KIF21A: variants seen among roughly 807,000 people sequenced by gnomAD.
KIF21A encodes kinesin family member 21A, also known as kinesin-like protein KIF21A.
In KIF21A, 114 loss-of-function variants were observed where a neutral mutation model predicts 202.9. The ratio of observed to expected loss-of-function variants is 0.56; its 90% CI spans 0.48 to 0.66. The LOEUF is 0.66. Among genes scored for constraint, KIF21A ranks in the 30% least tolerant of loss-of-function variants. The probability of loss-of-function intolerance (pLI) is 0.00; values close to 1 mark genes in which losing one functional copy is unlikely to be tolerated. For synonymous variants in KIF21A, 667 were observed against 670.8 expected, an observed-to-expected ratio of 0.99 and a Z score of 0.09; for missense variants, 1,677 against 1,994.9, an observed-to-expected ratio of 0.84 and a Z score of 3.04.
chr12:39,337,714 T>A (rs924200171), intron 16 of KIF21A, among the ~76,000 whole-genome samples: 1 of 152,202 alleles, frequency 6.6e-6, no homozygotes, highest in African/African-American at 2.4e-5. Flanking sequence ...AAATGACAGT[T>A]ATGTGCCTCA....
chr12:39,379,053 C>T (rs571544323), intron 1 of KIF21A, among the ~76,000 whole-genome samples: 19 of 152,110 alleles, frequency 1.2e-4, no homozygotes, highest in Middle Eastern at 3.4e-3. Context: ...TAGAATTGGC[C>T]GGGTGTGGTG....
chr12:39,360,045 G>T (rs889486826), intron 7 of KIF21A, among the ~76,000 whole-genome samples: 3 of 152,174 alleles, frequency 2.0e-5, no homozygotes, highest in Non-Finnish European at 2.9e-5. Context: ...ATTTTGAGAA[G>T]TGCTGGGATC....
Position 39,293,259 on chromosome 12 carries a change from T to C in KIF21A, c.*1165A>G, listed in dbSNP as rs1419503482. ...CATAGCAACATGTTTATTTAAGCCC[T>C]AGCTAAGTTTTCATTTACAAGCAAA... On this transcript the variant is annotated 3_prime_UTR_variant, in exon 38 of 38. Transcript: ENST00000361418. 6.6e-6 allele frequency: 1 copy of C among 152,252 alleles called. No individual in the cohort carries two copies. The highest frequency in any genetic ancestry group is 1.5e-5 in the Non-Finnish European group (1 of 68,038). 9.4% of individuals were successfully genotyped at this position (152,252 alleles called of 1,614,324 possible). A position where few individuals can be genotyped will look rare whatever the true frequency, so the allele number is the denominator to read the frequency against.
intron 37 of KIF21A, among the ~76,000 whole-genome samples, chr12:39,300,801 C>T (rs1016866784): frequency 6.6e-6 from 1 of 152,162 alleles, no homozygotes; most frequent in Non-Finnish European, 1.5e-5. Flanking sequence ...GAGGCCTTCG[C>T]TGACCACCCT....
intron 30 of KIF21A, among the ~76,000 whole-genome samples, chr12:39,315,494 A>G (rs550518375): frequency 6.6e-6 from 1 of 152,080 alleles, no homozygotes; most frequent in East Asian, 1.9e-4. Flanking sequence ...GTATAATAGT[A>G]TCCTTTTTTT....
At chr12:39,411,808 A>G (rs1953105739) in intron 1 of KIF21A, among the ~76,000 whole-genome samples, 1 of 151,820 alleles carries the variant, frequency 6.6e-6, no homozygotes, top group African/African-American at 2.4e-5. Context: ...AAGTGCTGGG[A>G]TTATAGGTAT....
At chr12:39,352,380 TAAAAATA>T (rs1165304105) in intron 10 of KIF21A, among the ~76,000 whole-genome samples, 3 of 152,130 alleles carry the variant, frequency 2.0e-5, no homozygotes, top group Non-Finnish European at 4.4e-5. Flanking sequence ...CACAAAATAA[TAAAAATA>T]ATCATAAAAG....
chr12:39,322,613 A>G, intron 27 of KIF21A, 55 bp downstream of exon 27: 3 of 1,269,030 alleles, frequency 2.4e-6, no homozygotes, highest in East Asian at 2.3e-5. Flanking sequence ...CAACATGCAT[A>G]CTTTTTTTTT....
intron 6 of KIF21A, 89 bp downstream of exon 6, chr12:39,366,261 G>T: frequency 8.4e-7 from 1 of 1,189,844 alleles, no homozygotes. Flanking sequence ...AGTATCTGAA[G>T]GATTTCCATA....
At chr12:39,369,182 C>T (rs796210167) in intron 3 of KIF21A, among the ~76,000 whole-genome samples, 3 of 152,216 alleles carry the variant, frequency 2.0e-5, no homozygotes, top group African/African-American at 7.2e-5. Flanking sequence ...AAAATAAGTT[C>T]CTGGCTGGGC....
intron 1 of KIF21A, among the ~76,000 whole-genome samples, chr12:39,433,201 TAGAC>T (rs200709981): frequency 0.018 from 2,677 of 152,274 alleles, 36 homozygotes; most frequent in Non-Finnish European, 0.022. Flanking sequence ...TTGAGATCAT[TAGAC>T]AGGCTTACAA....
chr12:39,367,299 G>C, intron 4 of KIF21A, 135 bp from the exon 5 acceptor site: 6 of 892,544 alleles, frequency 6.7e-6, no homozygotes, highest in Admixed American at 2.1e-5. Flanking sequence ...TATTAGTTCA[G>C]TTACAGGCAC....
At chr12:39,426,125 G>T (rs568849605) in intron 1 of KIF21A, among the ~76,000 whole-genome samples, 2 of 152,004 alleles carry the variant, frequency 1.3e-5, no homozygotes, top group East Asian at 3.9e-4. Context: ...TGATGAAATG[G>T]AAACATACGA....
intron 1 of KIF21A, among the ~76,000 whole-genome samples, chr12:39,372,974 G>A (rs568198241): frequency 2.1e-4 from 32 of 152,166 alleles, no homozygotes; most frequent in African/African-American, 7.5e-4. Flanking sequence ...AGCCCACCAA[G>A]TTATTTCCTC....
intron 16 of KIF21A, among the ~76,000 whole-genome samples, chr12:39,338,105 G>T (rs1947136275): frequency 6.6e-6 from 1 of 152,202 alleles, no homozygotes. Flanking sequence ...GGAGATGACA[G>T]CTCCATGTGT....
chr12:39,425,265 C>T (rs1954653660), intron 1 of KIF21A, among the ~76,000 whole-genome samples: 2 of 152,198 alleles, frequency 1.3e-5, no homozygotes, highest in Admixed American at 1.3e-4. Context: ...TCTCTATCCT[C>T]ACCCAATGCT....
chr12:39,345,091 A>G (rs1947776946), intron 12 of KIF21A, among the ~76,000 whole-genome samples: 3 of 152,180 alleles, frequency 2.0e-5, no homozygotes, highest in African/African-American at 7.2e-5. Flanking sequence ...TCTGCATTTT[A>G]TCAAAATCCC....
At chr12:39,326,534 A>G (rs1945939534) in intron 24 of KIF21A, among the ~76,000 whole-genome samples, 1 of 152,244 alleles carries the variant, frequency 6.6e-6, no homozygotes, top group African/African-American at 2.4e-5. Flanking sequence ...AACATGTTCA[A>G]ATAGGAAAAC....
Position 39,304,782 on chromosome 12 carries a change from T to C in KIF21A, c.4560+39A>G. On this transcript the variant is annotated intron_variant, in intron 35 of 37. Coordinates refer to ENST00000361418, the MANE Select transcript of KIF21A (RefSeq NM_001173464.2). Reference sequence around the variant, plus strand: ...ATCTGAATACTTCAAAATTATCATTTAATAGACAAATATAATTCAGAAAGT... The same window carrying C: ...ATCTGAATACTTCAAAATTATCATTCAATAGACAAATATAATTCAGAAAGT... The C allele has an allele frequency of 2.9e-6, 3 of 1,045,134 alleles. No homozygotes were observed. The South Asian group carries it at 3.8e-5, about 13-fold the overall frequency. 64.7% of individuals were successfully genotyped at this position (1,045,134 alleles called of 1,614,324 possible). A position where few individuals can be genotyped will look rare whatever the true frequency, so the allele number is the denominator to read the frequency against.
Sources: gnomAD v4.1 joint callset for allele counts (sites outside exome capture counted in the v4.1 genomes callset) on GRCh38, gnomAD v4.1.1 for gene constraint, MANE v1.5 for transcripts, NCBI Gene and HGNC (gene_info 2026-07-23, HGNC 2026-07-21) for gene names.